The following NUDCD3 variants were observed in gnomAD, a reference collection of about 807,000 sequenced individuals.
The protein encoded by NUDCD3 is nudC domain-containing protein 3.
In NUDCD3, 13 loss-of-function variants were observed where a neutral mutation model predicts 39.7. The ratio of observed to expected loss-of-function variants is 0.33; its 90% CI spans 0.21 to 0.52. NUDCD3 has a LOEUF of 0.52. Among genes scored for constraint, NUDCD3 ranks in the 20% least tolerant of loss-of-function variants. NUDCD3 has a pLI of 0.96. For synonymous variants in NUDCD3, 175 were observed against 172.4 expected (o/e 1.02, Z -0.12); for missense variants, 453 against 458.1 (o/e 0.99, Z 0.10).
At chr7:44,446,693 G>A (rs567508862) in intron 2 of NUDCD3, among the ~76,000 whole-genome samples, 47 of 152,232 alleles carry the variant, frequency 3.1e-4, no homozygotes, top group African/African-American at 1.1e-3. Flanking sequence ...GGCTGTCTGC[G>A]TATCTCACTT....
intron 2 of NUDCD3, among the ~76,000 whole-genome samples, chr7:44,445,033 C>A (rs1799664150): frequency 6.6e-6 from 1 of 152,220 alleles, no homozygotes; most frequent in Admixed American, 6.5e-5. Context: ...ACATGAATGT[C>A]CCACCCTTGG....
intron 3 of NUDCD3, among the ~76,000 whole-genome samples, chr7:44,411,308 G>T (rs1798919758): frequency 6.6e-6 from 1 of 152,000 alleles, no homozygotes; most frequent in Non-Finnish European, 1.5e-5. Flanking sequence ...AAACTTTTAT[G>T]CTTCAAAGAG....
At chr7:44,391,125 T>C (rs1039322314) in intron 5 of NUDCD3, among the ~76,000 whole-genome samples, 4 of 152,138 alleles carry the variant, frequency 2.6e-5, no homozygotes, top group Non-Finnish European at 5.9e-5. Flanking sequence ...ACCTCAGAAA[T>C]TCAATCTCTC....
chr7:44,426,666 G>C (rs1311038279), intron 3 of NUDCD3, among the ~76,000 whole-genome samples: 1 of 151,246 alleles, frequency 6.6e-6, no homozygotes, highest in Non-Finnish European at 1.5e-5. Flanking sequence ...CGTAGTGGCG[G>C]GCGCCTGTAG....
intron 2 of NUDCD3, among the ~76,000 whole-genome samples, chr7:44,451,335 G>A (rs528305949): frequency 7.7e-4 from 117 of 152,306 alleles, no homozygotes; most frequent in Non-Finnish European, 1.6e-3. Context: ...GGGAGCACGG[G>A]GAAGGGGAGT....
At chr7:44,440,060 G>A (rs1444159154) in intron 2 of NUDCD3, among the ~76,000 whole-genome samples, 1 of 152,192 alleles carries the variant, frequency 6.6e-6, no homozygotes, top group East Asian at 1.9e-4. Flanking sequence ...TTAATGCCCC[G>A]CCCTTCAGTG....
chr7:44,448,423 G>A (rs898273492), intron 2 of NUDCD3, among the ~76,000 whole-genome samples: 3 of 152,118 alleles, frequency 2.0e-5, no homozygotes, highest in African/African-American at 4.8e-5. Context: ...ACACCTGCCC[G>A]AGGCGCCGGA....
chr7:44,401,971 G>A (rs1798735666), intron 4 of NUDCD3, among the ~76,000 whole-genome samples: 1 of 152,160 alleles, frequency 6.6e-6, no homozygotes, highest in Non-Finnish European at 1.5e-5. Flanking sequence ...CTAACACAGG[G>A]AAGACTCTGA....
chr7:44,423,713 C>G (rs760341262), intron 3 of NUDCD3, among the ~76,000 whole-genome samples: 2 of 152,140 alleles, frequency 1.3e-5, no homozygotes, highest in Non-Finnish European at 2.9e-5. Flanking sequence ...AATGGCCATA[C>G]TGCCCAAAGT....
rs769148630 is a variant in NUDCD3 at position 44,404,546 on chromosome 7, G to A, written c.680C>T (p.Ala227Val). The change falls in exon 4 of 6, where the codon GCC (alanine) becomes GTC (valine). Residue 227 changes from alanine (A) to valine (V), a missense_variant. Transcript: ENST00000355451. ...VALSSSSIRV[A>V]MLEENGERVL... The stretch of plus-strand genomic sequence containing the variant: ...GCGCTCCCCATTTTCCTCCAGCATG[G>A]CCACACGAATGGAGCTGCTGCTAAG... The A allele has an allele frequency of 1.9e-6, 3 of 1,613,908 alleles. No individual in the cohort carries two copies. The highest frequency in any genetic ancestry group is 2.5e-6 in the Non-Finnish European group (3 of 1,180,022).
chr7:44,399,916 C>G (rs932199581), intron 4 of NUDCD3, among the ~76,000 whole-genome samples: 1 of 152,216 alleles, frequency 6.6e-6, no homozygotes, highest in African/African-American at 2.4e-5. Context: ...TACTCCAGAG[C>G]AATTTCACTG....
chr7:44,411,877 G>A (rs1163572422), intron 3 of NUDCD3, among the ~76,000 whole-genome samples: 1 of 152,214 alleles, frequency 6.6e-6, no homozygotes, highest in Admixed American at 6.5e-5. Flanking sequence ...GGGAAAGATT[G>A]GAGGTACAAG....
chr7:44,425,333 C>T (rs1372468951), intron 3 of NUDCD3, among the ~76,000 whole-genome samples: 1 of 152,014 alleles, frequency 6.6e-6, no homozygotes, highest in Admixed American at 6.6e-5. Flanking sequence ...AAGAAATTTA[C>T]AACAAAATAG....
intron 2 of NUDCD3, among the ~76,000 whole-genome samples, chr7:44,442,309 CA>C (rs1285655796): frequency 1.3e-5 from 2 of 152,158 alleles, no homozygotes; most frequent in Non-Finnish European, 2.9e-5. Context: ...AAGGTTGGGA[CA>C]GGGAACAATG....
chr7:44,396,951 TTG>T (rs10553821), intron 4 of NUDCD3, among the ~76,000 whole-genome samples: 20,247 of 151,932 alleles, frequency 0.13, 1,623 homozygotes, highest in Non-Finnish European at 0.19. Flanking sequence ...ACATTTGTTT[TTG>T]TTTTTTTCTG....
Position 44,392,414 on chromosome 7 carries a change from G to A in NUDCD3, c.858C>T (p.Asp286=). 1 of 1,614,130 alleles carries A rather than the reference G, an allele frequency of 6.2e-7. No individual in the cohort carries two copies. The highest frequency in any genetic ancestry group is 1.7e-5 in the Admixed American group (1 of 60,022). The change falls in exon 5 of 6, where the codon GAC becomes GAT. Residue 286 remains aspartate (D), a synonymous_variant. Transcript: ENST00000355451. ...ILEGEEPIDI[D]KINKERSMAT... ...CCATGGAGCGCTCCTTGTTGATCTT[G>A]TCAATGTCGATGGGCTCTTCTCCCT...
intron 4 of NUDCD3, among the ~76,000 whole-genome samples, chr7:44,393,474 C>G (rs1798558784): frequency 6.6e-6 from 1 of 152,190 alleles, no homozygotes. Context: ...TATCAGTGGT[C>G]ATACAGACAC....
intron 2 of NUDCD3, among the ~76,000 whole-genome samples, chr7:44,450,916 A>G (rs967560059): frequency 9.9e-5 from 15 of 152,224 alleles, no homozygotes; most frequent in Admixed American, 9.8e-4. Context: ...CAATAGATGA[A>G]TAGACAAAAA....
At position 44,490,511 on chromosome 7, in the gene NUDCD3, G is replaced by A. The variant is rs765792216; in HGVS notation, c.90C>T (p.Leu30=). 11 of 1,611,740 alleles carry A rather than the reference G, an allele frequency of 6.8e-6. No individual in the cohort carries two copies. The African/African-American group carries it at 9.3e-5, about 14-fold the overall frequency. Residue 30 remains leucine, a synonymous_variant, in exon 1 of 6, where the codon CTC becomes CTT. Coordinates refer to ENST00000355451, the MANE Select transcript of NUDCD3 (RefSeq NM_015332.4). ...CTGTCTTGCGGTAGAGGAAGCCAAA[G>A]AGAACGCGCAGGAAATCCTGGACGT... ...VGNVQDFLRV[L]FGFLYRKTDF...
Sources: allele counts gnomAD v4.1 joint callset (sites outside exome capture counted in the v4.1 genomes callset), GRCh38; gene constraint gnomAD v4.1.1; transcripts MANE v1.5; gene names NCBI Gene and HGNC (gene_info 2026-07-23, HGNC 2026-07-21).